Variants in POGLUT3 observed in about 807,000 individuals in gnomAD.
The protein encoded by POGLUT3 is KDEL (Lys-Asp-Glu-Leu) containing 2.
In POGLUT3, 48 loss-of-function variants were observed where a neutral mutation model predicts 54.3. That is an observed-to-expected ratio of 0.88 (90% CI 0.70 to 1.12). The LOEUF (loss-of-function observed/expected upper bound fraction) is 1.12. Among genes scored for constraint, POGLUT3 ranks in the 50% most tolerant of loss-of-function variants. POGLUT3 has a pLI of 0.00. For missense variants in POGLUT3, 629 were observed against 618.7 expected (o/e 1.02, Z -0.18); for synonymous variants, 218 against 237.4 (o/e 0.92, Z 0.75).
chr11:108,485,642 T>TTATA (rs2093601857), intron 3 of POGLUT3, among the ~76,000 whole-genome samples: 1 of 145,360 alleles, frequency 6.9e-6, no homozygotes, highest in Admixed American at 6.8e-5. Context: ...TCTATTTTAT[T>TTATA]TATTTATTTA....
chr11:108,478,012 G>C (rs936436351), intron 6 of POGLUT3: 20 of 307,896 alleles, frequency 6.5e-5, no homozygotes, highest in African/African-American at 4.1e-4. Flanking sequence ...AGCTGGGTGT[G>C]GTGGCGGGTA....
In POGLUT3 at chr11:108,479,331, A is replaced by G. The variant is rs376187356; in HGVS notation, c.1263T>C (p.Ser421=). ...CCCATTTAACTTTCTCTAATAAATC[A>G]CTCAGATTTCTTTTAATTGGAACAT... ...KHYVPIKRNL[S]DLLEKVKWAK... is the part of the protein sequence containing the mutation. The change falls in exon 6 of 8, where the codon AGT becomes AGC. Residue 421 remains serine (S), a synonymous_variant. Coordinates refer to ENST00000323468, the MANE Select transcript of POGLUT3 (RefSeq NM_153705.5). 3.7e-6 allele frequency: 6 copies of G among 1,610,816 alleles called. No individual in the cohort carries two copies. The highest frequency in any genetic ancestry group is 4.2e-6 in the Non-Finnish European group (5 of 1,179,474).
chr11:108,484,749 C>A (rs911376534), intron 3 of POGLUT3, among the ~76,000 whole-genome samples: 7 of 152,118 alleles, frequency 4.6e-5, no homozygotes, highest in African/African-American at 1.4e-4. Flanking sequence ...GAGTGAGACT[C>A]CATCTCAAAG....
intron 6 of POGLUT3, among the ~76,000 whole-genome samples, chr11:108,479,051 A>G (rs1181744466): frequency 3.9e-5 from 6 of 152,218 alleles, no homozygotes; most frequent in Admixed American, 6.5e-5. Context: ...GTGTAAACAT[A>G]GCATTTAGAA....
intron 2 of POGLUT3, chr11:108,486,692 C>A: frequency 2.2e-6 from 1 of 458,464 alleles, no homozygotes; most frequent in Non-Finnish European, 3.9e-6. Context: ...CTCATAAATT[C>A]ATCTCTAATA....
rs372425000 is a variant in POGLUT3, at chr11:108,483,957, C to T, written c.685-1735G>A. On this transcript the variant is annotated intron_variant, in intron 3 of 7. Transcript: ENST00000323468. ...GTGCTAGGATGACAGGTGTGAGCCA[C>T]CGTGCCCAGCCTCCCTGCTATTATT... Among the ~76,000 whole-genome samples, 42 of 152,242 alleles carry T rather than the reference C, an allele frequency of 2.8e-4. 1 individual carries two copies. In the East Asian group the frequency reaches 4.2e-3, roughly 15 times the overall value.
chr11:108,481,444 C>CCTG, intron 4 of POGLUT3, 68 bp from the exon 5 acceptor site: 1 of 1,168,882 alleles, frequency 8.6e-7, no homozygotes, highest in South Asian at 1.9e-5. Context: ...AAGCATAATC[C>CCTG]TCTTTAATCT....
rs866082188 is a variant in POGLUT3 at position 108,488,028 on chromosome 11, G to A, written c.401-1588C>T. ...GAAACAATAGTTTTTTGTTGTTTTT[G>A]TTGTTGTTTTTTTGAGATGGAGTCT... On this transcript the variant is annotated intron_variant, in intron 2 of 7. Coordinates refer to ENST00000323468, the MANE Select transcript of POGLUT3 (RefSeq NM_153705.5). Among the ~76,000 whole-genome samples the A allele has an allele frequency of 9.9e-5, 15 of 152,036 alleles. No homozygotes were observed. The Middle Eastern group carries it at 0.014, about 138-fold the overall frequency.
Position 108,482,085 on chromosome 11 carries a change from T to C in POGLUT3, c.822A>G (p.Pro274=), listed in dbSNP as rs755601740. 6.2e-7 allele frequency: 1 copy of C among 1,614,156 alleles called. No individual in the cohort carries two copies. The highest frequency in any genetic ancestry group is 8.5e-7 in the Non-Finnish European group (1 of 1,180,018). The part of the protein sequence containing the change: ...GSLDSRDVVL[P]TYDITHSMLE... ...GCATGGAGTGGGTGATGTCATACGT[T>C]GGAAGGACAACATCTCTTGAATCCA... is the stretch of plus-strand genomic sequence containing the variant. Residue 274 remains proline (P), a synonymous_variant, in exon 4 of 8, where the codon CCA becomes CCG. Coordinates refer to ENST00000323468, the MANE Select transcript of POGLUT3 (RefSeq NM_153705.5).
At chr11:108,486,725 T>G (rs11212672) in intron 2 of POGLUT3, 1 of 343,446 alleles carries the variant, frequency 2.9e-6, no homozygotes, top group South Asian at 9.1e-5. Context: ...CTGGCAAACA[T>G]GAAACAACTT....
chr11:108,487,066 T>G (rs1287369624), intron 2 of POGLUT3: 1 of 152,344 alleles, frequency 6.6e-6, no homozygotes, highest in Non-Finnish European at 1.5e-5. Flanking sequence ...GATAAAATCT[T>G]GGTTTCCACA....
intron 7 of POGLUT3, 106 bp from the exon 8 acceptor site, chr11:108,475,058 G>T: frequency 1.6e-6 from 2 of 1,220,478 alleles, no homozygotes; most frequent in Non-Finnish European, 2.3e-6. Flanking sequence ...TAGTTGCTGT[G>T]TGTCTGCAGA....
intron 7 of POGLUT3, 31 bp downstream of exon 7, chr11:108,477,576 C>G (rs201544369): frequency 7.2e-7 from 1 of 1,379,888 alleles, no homozygotes; most frequent in African/African-American, 1.4e-5. Context: ...GACACCCGAC[C>G]CAGCAGTGTG....
chr11:108,474,775 A>C lies in POGLUT3; in HGVS notation c.*52T>G, dbSNP rs951094490. On this transcript the variant is annotated 3_prime_UTR_variant, in exon 8 of 8. Transcript: ENST00000323468. ...TACTGTCCTTCACAGCTTAGATTCA[A>C]TCTTTCCTTAAAGTGTAGCCGGGAT... The C allele has an allele frequency of 3.2e-6, 5 of 1,578,596 alleles. No individual in the cohort carries two copies. In the African/African-American group the frequency reaches 4.4e-5, roughly 14 times the overall value.
At chr11:108,496,074 C>G (rs1318505256) in intron 1 of POGLUT3, among the ~76,000 whole-genome samples, 1 of 152,056 alleles carries the variant, frequency 6.6e-6, no homozygotes, top group Non-Finnish European at 1.5e-5. Context: ...AACTGAGAGT[C>G]TTTAACATAC....
intron 2 of POGLUT3, among the ~76,000 whole-genome samples, chr11:108,487,781 T>G (rs2093606303): frequency 6.6e-6 from 1 of 151,688 alleles, no homozygotes; most frequent in African/African-American, 2.4e-5. Flanking sequence ...TTGGCTAATT[T>G]TTGTATTTTT....
At chr11:108,488,180 C>T (rs369930699) in intron 2 of POGLUT3, among the ~76,000 whole-genome samples, 10 of 152,052 alleles carry the variant, frequency 6.6e-5, no homozygotes, top group Admixed American at 1.3e-4. Context: ...CTCACCACCA[C>T]GCCCAACTAA....
rs773802174 is a variant in POGLUT3, at chr11:108,479,325, T to C, written c.1269A>G (p.Leu423=). 5.0e-6 allele frequency: 8 copies of C among 1,610,788 alleles called. No homozygotes were observed. Among genetic ancestry groups the C allele is most frequent in the Non-Finnish European group, 6.8e-6 (8 of 1,179,432 alleles). ...CCTTAGCCCATTTAACTTTCTCTAA[T>C]AAATCACTCAGATTTCTTTTAATTG... is the stretch of plus-strand genomic sequence containing the variant. ...YVPIKRNLSD[L]LEKVKWAKEN... The change falls in exon 6 of 8, where the codon TTA becomes TTG. Residue 423 remains leucine (L), a synonymous_variant. Transcript: ENST00000323468.
At chr11:108,478,645 CA>C (rs2093586834) in intron 6 of POGLUT3, among the ~76,000 whole-genome samples, 1 of 152,192 alleles carries the variant, frequency 6.6e-6, no homozygotes, top group Non-Finnish European at 1.5e-5. Context: ...TAATCTTCTA[CA>C]ATGCTGCCCG....
Sources: allele counts gnomAD v4.1 joint callset (sites outside exome capture counted in the v4.1 genomes callset), GRCh38; gene constraint gnomAD v4.1.1; transcripts MANE v1.5; gene names NCBI Gene and HGNC (gene_info 2026-07-23, HGNC 2026-07-21).